DSCAM: variants seen among roughly 807,000 people sequenced by gnomAD.
DSCAM encodes the protein DS cell adhesion molecule, also known as cell adhesion molecule DSCAM.
DSCAM carries 47 observed loss-of-function variants against 217.7 expected under a neutral mutation model. The observed-to-expected ratio is 0.22, with a 90% CI of 0.17 to 0.28. The LOEUF is 0.28. DSCAM is among the 10% of genes least tolerant of loss of function. DSCAM has a pLI of 1.00. For missense variants in DSCAM, 2,080 were observed against 2,618.3 expected, an observed-to-expected ratio of 0.79 and a Z score of 4.49; for synonymous variants, 1,056 against 1,015.3, an observed-to-expected ratio of 1.04 and a Z score of -0.76.
chr21:40,376,683 C>CTT lies in DSCAM; in HGVS notation c.509-7439_509-7438insAA, dbSNP rs1484989918. Reference sequence around the variant, plus strand: ...ATATCTTATATAGATATCTATATATCATATATATCATATATATCTTATATA... The same window carrying CTT: ...ATATCTTATATAGATATCTATATATCTTATATATATCATATATATCTTATATA... On this transcript the variant is annotated intron_variant, in intron 3 of 32. Coordinates refer to ENST00000400454, the MANE Select transcript of DSCAM (RefSeq NM_001389.5). Among the ~76,000 whole-genome samples, 106 of 45,186 alleles carry CTT rather than the reference C, an allele frequency of 2.3e-3. 1 individual carries two copies. Among genetic ancestry groups the CTT allele is most frequent in the African/African-American group, 7.3e-3 (81 of 11,052 alleles). 29.6% of individuals were successfully genotyped at this position (45,186 alleles called of 152,430 possible).
In DSCAM at chr21:40,204,198, C is replaced by T. The variant is rs111711381; in HGVS notation, c.2357-14960G>A. Among the ~76,000 whole-genome samples the T allele has an allele frequency of 5.9e-5, 9 of 152,278 alleles. No individual in the cohort carries two copies. In the East Asian group the frequency reaches 7.7e-4, roughly 13 times the overall value. On this transcript the variant is annotated intron_variant, in intron 11 of 32. Coordinates refer to ENST00000400454, the MANE Select transcript of DSCAM (RefSeq NM_001389.5). ...TAATTGTAGGGCCCATATTTGTGTG[C>T]GTGTGTGCACACACATGTACCCATG... is the stretch of plus-strand genomic sequence containing the variant.
chr21:40,797,721 T>C (rs1383552216), intron 1 of DSCAM, among the ~76,000 whole-genome samples: 2 of 152,200 alleles, frequency 1.3e-5, no homozygotes, highest in Admixed American at 1.3e-4. Flanking sequence ...GTTTGGAACA[T>C]AAGCAGAGAA....
chr21:40,316,849 C>T (rs561992378), intron 8 of DSCAM, among the ~76,000 whole-genome samples: 1 of 152,270 alleles, frequency 6.6e-6, no homozygotes, highest in East Asian at 1.9e-4. Context: ...TGATATATTT[C>T]TGTCTTGTCT....
chr21:40,316,877 T>C (rs1435330534), intron 8 of DSCAM, among the ~76,000 whole-genome samples: 1 of 152,204 alleles, frequency 6.6e-6, no homozygotes, highest in Non-Finnish European at 1.5e-5. Context: ...ATTAATTGTA[T>C]ATTCTTCTTC....
At chr21:40,413,113 G>C (rs1237564911) in intron 3 of DSCAM, among the ~76,000 whole-genome samples, 1 of 152,246 alleles carries the variant, frequency 6.6e-6, no homozygotes, top group Non-Finnish European at 1.5e-5. Context: ...GGAAATGCCT[G>C]GATGCCCAGG....
intron 10 of DSCAM, among the ~76,000 whole-genome samples, chr21:40,290,273 A>T (rs991275993): frequency 6.6e-6 from 1 of 152,190 alleles, no homozygotes; most frequent in African/African-American, 2.4e-5. Context: ...TAGATGCACC[A>T]CATCTATGGG....
At chr21:40,331,586 C>G (rs1666324286) in intron 8 of DSCAM, among the ~76,000 whole-genome samples, 1 of 152,106 alleles carries the variant, frequency 6.6e-6, no homozygotes, top group Admixed American at 6.5e-5. Context: ...CCCTGTTGGG[C>G]TACAGTACAC....
chr21:40,130,061 T>G (rs1365978424), intron 19 of DSCAM, among the ~76,000 whole-genome samples: 1 of 152,200 alleles, frequency 6.6e-6, no homozygotes, highest in Non-Finnish European at 1.5e-5. Flanking sequence ...GCATTAGTGA[T>G]GTGTTCAGTA....
chr21:40,784,843 A>T (rs553658283), intron 1 of DSCAM, among the ~76,000 whole-genome samples: 7 of 152,324 alleles, frequency 4.6e-5, no homozygotes, highest in African/African-American at 1.4e-4. Context: ...AGCCTCCAGT[A>T]CTGTGGGGGG....
Position 40,580,290 on chromosome 21 carries a change from T to C in DSCAM, c.508+112520A>G, listed in dbSNP as rs1266188975. On this transcript the variant is annotated intron_variant, in intron 3 of 32. Transcript: ENST00000400454. ...GCTCACGTCTGTAGTCCCAGCACTT[T>C]GGGAGGCCGAGGTGGGTGGATCACC... Among the ~76,000 whole-genome samples, 9 of 152,108 alleles carry C rather than the reference T, an allele frequency of 5.9e-5. No individual in the cohort carries two copies. The East Asian group carries it at 1.6e-3, about 26-fold the overall frequency.
chr21:40,474,647 A>T (rs912642585), intron 3 of DSCAM, among the ~76,000 whole-genome samples: 14 of 152,142 alleles, frequency 9.2e-5, no homozygotes, highest in African/African-American at 3.1e-4. Flanking sequence ...CCTCACAAAG[A>T]TCTAACATGT....
At chr21:40,179,473 T>C (rs565942309) in intron 14 of DSCAM, among the ~76,000 whole-genome samples, 1 of 152,232 alleles carries the variant, frequency 6.6e-6, no homozygotes, top group South Asian at 2.1e-4. Context: ...TAAGCACTCA[T>C]TGTATAGGAC....
intron 3 of DSCAM, among the ~76,000 whole-genome samples, chr21:40,539,818 T>C (rs1284159085): frequency 6.6e-6 from 1 of 152,234 alleles, no homozygotes; most frequent in Non-Finnish European, 1.5e-5. Context: ...GCATAGTCTC[T>C]ATATGCAGAT....
Position 40,160,152 on chromosome 21 carries a change from T to A in DSCAM, c.3018+7066A>T, listed in dbSNP as rs181280983. ...ACTGGGAGGTGAGGAGAGAGGAGAATTCATCATTAAAATGCACTGCTACTT... is the reference window on the plus strand; with the variant it reads ...ACTGGGAGGTGAGGAGAGAGGAGAAATCATCATTAAAATGCACTGCTACTT... On this transcript the variant is annotated intron_variant, in intron 16 of 32. Coordinates refer to ENST00000400454, the MANE Select transcript of DSCAM (RefSeq NM_001389.5). Among the ~76,000 whole-genome samples, 389 of 152,198 alleles carry A rather than the reference T, an allele frequency of 2.6e-3. 3 individuals carry two copies. Among genetic ancestry groups the A allele is most frequent in the Middle Eastern group, 6.8e-3 (2 of 294 alleles).
intron 11 of DSCAM, among the ~76,000 whole-genome samples, chr21:40,250,721 C>T (rs1236111644): frequency 2.0e-5 from 3 of 152,318 alleles, no homozygotes; most frequent in South Asian, 2.1e-4. Flanking sequence ...TCGGGGCTGA[C>T]GTTCCCAACC....
At chr21:40,316,926 G>A (rs574983861) in intron 8 of DSCAM, among the ~76,000 whole-genome samples, 3 of 152,264 alleles carry the variant, frequency 2.0e-5, no homozygotes, top group Admixed American at 1.3e-4. Context: ...GAGAAGAGGC[G>A]TATAAGACTT....
At chr21:40,707,858 T>C (rs1184382227) in intron 2 of DSCAM, among the ~76,000 whole-genome samples, 3 of 152,260 alleles carry the variant, frequency 2.0e-5, no homozygotes, top group South Asian at 2.1e-4. Context: ...CTTGTAGCAA[T>C]GGTGATTAAA....
chr21:40,014,180 C>T (rs2088114148), intron 32 of DSCAM, among the ~76,000 whole-genome samples: 1 of 152,194 alleles, frequency 6.6e-6, no homozygotes, highest in Non-Finnish European at 1.5e-5. Context: ...CACCTGAGGT[C>T]AGGAGTTCAA....
chr21:40,723,461 C>T (rs529917606), intron 1 of DSCAM, among the ~76,000 whole-genome samples: 1 of 152,324 alleles, frequency 6.6e-6, no homozygotes, highest in African/African-American at 2.4e-5. Context: ...TCTTGCATCA[C>T]ACTGTCATCA....
Sources: gnomAD v4.1 joint callset for allele counts (sites outside exome capture counted in the v4.1 genomes callset) on GRCh38, gnomAD v4.1.1 for gene constraint, MANE v1.5 for transcripts, NCBI Gene and HGNC (gene_info 2026-07-23, HGNC 2026-07-21) for gene names.